Variants in BRD10 observed in about 807,000 individuals in gnomAD.
The protein encoded by BRD10 is bromodomain containing 10, also known as uncharacterized bromodomain-containing protein 10.
chr9:5,919,711 T>A, the BRD10 span: 2 of 1,611,398 alleles, frequency 1.2e-6, no homozygotes, highest in Non-Finnish European at 8.5e-7. Flanking sequence ...CAGGCTTCTC[T>A]AAGCCCGACG....
At chr9:5,993,072 T>C in the BRD10 span, among the ~76,000 whole-genome samples, 1 of 152,084 alleles carries the variant, frequency 6.6e-6, no homozygotes, top group African/African-American at 2.4e-5. Context: ...TCCCAGCACT[T>C]TGGGAGGCCA....
chr9:5,934,201 G>C, the BRD10 span, among the ~76,000 whole-genome samples: 4 of 151,640 alleles, frequency 2.6e-5, no homozygotes, highest in Non-Finnish European at 4.4e-5. Context: ...TACAACAAAA[G>C]TATGAATGCT....
the BRD10 span, among the ~76,000 whole-genome samples, chr9:5,959,445 C>T: frequency 6.6e-6 from 1 of 152,066 alleles, no homozygotes; most frequent in Non-Finnish European, 1.5e-5. Flanking sequence ...TTGAAGTCTT[C>T]ATGAAGATTA....
the BRD10 span, chr9:5,908,551 A>C: frequency 8.7e-7 from 1 of 1,147,502 alleles, no homozygotes; most frequent in Non-Finnish European, 1.3e-6. Context: ...CAGGGAAAGT[A>C]TAAATATGTT....
At chr9:5,977,084 G>A in the BRD10 span, among the ~76,000 whole-genome samples, 3 of 152,140 alleles carry the variant, frequency 2.0e-5, no homozygotes, top group Non-Finnish European at 4.4e-5. Context: ...ACTTCCCCCA[G>A]GTTTTCCTAG....
the BRD10 span, among the ~76,000 whole-genome samples, chr9:5,989,049 G>A: frequency 6.6e-6 from 1 of 151,896 alleles, no homozygotes; most frequent in Admixed American, 6.6e-5. Flanking sequence ...TGACCAACAC[G>A]GAGAAGCCCT....
At chr9:5,993,186 GC>G in the BRD10 span, among the ~76,000 whole-genome samples, 1 of 151,758 alleles carries the variant, frequency 6.6e-6, no homozygotes, top group East Asian at 1.9e-4. Flanking sequence ...ACGGTGGCAT[GC>G]GTCTGTAGTC....
the BRD10 span, chr9:5,921,678 G>T: frequency 6.2e-7 from 1 of 1,613,856 alleles, no homozygotes; most frequent in Non-Finnish European, 8.5e-7. Flanking sequence ...TCTACTTGTT[G>T]CTGTTTAGTT....
At chr9:5,919,569 C>CACACACACACACAT in the BRD10 span, 2 of 854,098 alleles carry the variant, frequency 2.3e-6, no homozygotes, top group Admixed American at 2.9e-5. Context: ...CACACACACA[C>CACACACACACACAT]ACACACACAC....
At chr9:5,988,559 A>G in the BRD10 span, 1 of 1,600,026 alleles carries the variant, frequency 6.2e-7, no homozygotes, top group Middle Eastern at 1.7e-4. Context: ...GGAGAAGAAT[A>G]AGTCAATTCA....
chr9:5,944,267 G>T, the BRD10 span, among the ~76,000 whole-genome samples: 53 of 152,120 alleles, frequency 3.5e-4, no homozygotes, highest in African/African-American at 1.2e-3. Context: ...ACAATTGAGT[G>T]TTTTACCAAG....
At chr9:5,915,352 G>T in the BRD10 span, among the ~76,000 whole-genome samples, 1 of 152,050 alleles carries the variant, frequency 6.6e-6, no homozygotes, top group African/African-American at 2.4e-5. Flanking sequence ...GTAGGCACCG[G>T]GCTAAGTACT....
chr9:5,898,513 T>C, the BRD10 span, among the ~76,000 whole-genome samples: 1 of 152,184 alleles, frequency 6.6e-6, no homozygotes, highest in African/African-American at 2.4e-5. Context: ...TACACGAATT[T>C]TGGGGGACAC....
the BRD10 span, among the ~76,000 whole-genome samples, chr9:5,971,258 TA>T: frequency 2.6e-5 from 4 of 152,052 alleles, no homozygotes; most frequent in African/African-American, 9.7e-5. Flanking sequence ...AGACAGATAG[TA>T]GTAACAAGTA....
the BRD10 span, among the ~76,000 whole-genome samples, chr9:5,959,694 C>A: frequency 4.6e-5 from 7 of 152,140 alleles, no homozygotes; most frequent in Non-Finnish European, 7.4e-5. Context: ...ATATAATAAC[C>A]TTTTCACAGA....
At chr9:5,923,770 A>T in the BRD10 span, among the ~76,000 whole-genome samples, 36 of 152,274 alleles carry the variant, frequency 2.4e-4, no homozygotes, top group African/African-American at 8.2e-4. Context: ...TCCAGCTTTT[A>T]CTGATGTTCA....
At chr9:5,908,543 G>A in the BRD10 span, 199 of 1,084,200 alleles carry the variant, frequency 1.8e-4, no homozygotes, top group Middle Eastern at 4.0e-4. Flanking sequence ...TCAGTCCACA[G>A]GGAAAGTATA....
At chr9:5,964,440 A>G in the BRD10 span, among the ~76,000 whole-genome samples, 2 of 150,338 alleles carry the variant, frequency 1.3e-5, no homozygotes, top group Non-Finnish European at 3.0e-5. Flanking sequence ...AAATAGGAAC[A>G]CTTTTACACT....
chr9:5,975,599 G>A, the BRD10 span, among the ~76,000 whole-genome samples: 7 of 152,080 alleles, frequency 4.6e-5, no homozygotes, highest in African/African-American at 1.7e-4. Context: ...CAATGTCTGA[G>A]ATGAAAATAC....
Sources: gnomAD v4.1 joint callset for allele counts (sites outside exome capture counted in the v4.1 genomes callset) on GRCh38, gnomAD v4.1.1 for gene constraint, MANE v1.5 for transcripts, NCBI Gene and HGNC (gene_info 2026-07-23, HGNC 2026-07-21) for gene names.